The following MYO3B variants were observed in gnomAD, a reference collection of about 807,000 sequenced individuals.
MYO3B encodes myosin IIIB, also known as myosin-IIIb.
MYO3B carries 156 observed loss-of-function variants against 174.6 expected under a neutral mutation model. The ratio of observed to expected loss-of-function variants is 0.89; its 90% CI spans 0.78 to 1.02. The LOEUF (loss-of-function observed/expected upper bound fraction) is 1.02. MYO3B is among the 50% of genes least tolerant of loss of function. MYO3B has a pLI of 0.00. For synonymous variants in MYO3B, 563 were observed against 569.1 expected, an observed-to-expected ratio of 0.99 and a Z score of 0.15; for missense variants, 1,632 against 1,639.4, an observed-to-expected ratio of 1.00 and a Z score of 0.08.
chr2:170,278,623 T>C (rs1210556132), intron 7 of MYO3B, among the ~76,000 whole-genome samples: 2 of 152,184 alleles, frequency 1.3e-5, no homozygotes, highest in Non-Finnish European at 2.9e-5. Context: ...ATTCGAGTCC[T>C]CATTTCTAGC....
intron 25 of MYO3B, among the ~76,000 whole-genome samples, chr2:170,469,731 G>A (rs1684854400): frequency 1.3e-5 from 2 of 152,130 alleles, no homozygotes; most frequent in South Asian, 4.1e-4. Context: ...TTCTCCCATA[G>A]CTTTAGTCCA....
intron 32 of MYO3B, among the ~76,000 whole-genome samples, chr2:170,595,486 T>G (rs115989154): frequency 0.018 from 2,787 of 152,302 alleles, 35 homozygotes; most frequent in Middle Eastern, 0.037. Context: ...TTACTCAGGC[T>G]GGAGTGCAGC....
intron 32 of MYO3B, chr2:170,650,055 CAG>C (rs1698888240): frequency 1.0e-5 from 1 of 97,546 alleles, no homozygotes; most frequent in Non-Finnish European, 1.8e-5. Flanking sequence ...TTTTGTGAGA[CAG>C]AGTCTCACTC....
chr2:170,591,722 G>T (rs1693828606), intron 32 of MYO3B, among the ~76,000 whole-genome samples: 1 of 152,320 alleles, frequency 6.6e-6, no homozygotes, highest in Non-Finnish European at 1.5e-5. Context: ...CCCAGAGCAT[G>T]TGATTGGCCC....
intron 25 of MYO3B, among the ~76,000 whole-genome samples, chr2:170,486,236 T>C (rs1002761656): frequency 6.6e-6 from 1 of 152,094 alleles, no homozygotes; most frequent in African/African-American, 2.4e-5. Context: ...TAACTCAAGA[T>C]TTATCACAGT....
Position 170,314,100 on chromosome 2 carries a change from G to A in MYO3B, c.750-21285G>A, listed in dbSNP as rs941544282. Among the ~76,000 whole-genome samples the A allele has an allele frequency of 1.4e-4, 21 of 152,268 alleles. No individual in the cohort carries two copies. In the East Asian group the frequency reaches 3.5e-3, roughly 25 times the overall value. On this transcript the variant is annotated intron_variant, in intron 7 of 34. Coordinates refer to ENST00000408978, the MANE Select transcript of MYO3B (RefSeq NM_138995.5). ...GCCATTTTCAGAAAAGTAACATCCT[G>A]CTGGCCTTCTATTCCTGGCGCACAT...
At chr2:170,516,038 T>C (rs879710757) in intron 29 of MYO3B, among the ~76,000 whole-genome samples, 9 of 151,890 alleles carry the variant, frequency 5.9e-5, no homozygotes, top group Admixed American at 5.9e-4. Context: ...TGTTTCCCCC[T>C]AGAAGTCACA....
intron 7 of MYO3B, among the ~76,000 whole-genome samples, chr2:170,319,251 A>C (rs1475835367): frequency 1.3e-5 from 2 of 152,230 alleles, no homozygotes; most frequent in African/African-American, 4.8e-5. Flanking sequence ...AAATTGTTTT[A>C]GTTCACTCAG....
intron 28 of MYO3B, among the ~76,000 whole-genome samples, chr2:170,509,713 CA>C (rs1687859844): frequency 6.6e-6 from 1 of 152,200 alleles, no homozygotes; most frequent in Non-Finnish European, 1.5e-5. Context: ...GGCCCTTTTG[CA>C]ACTTGTTCTG....
intron 30 of MYO3B, among the ~76,000 whole-genome samples, chr2:170,533,830 T>A (rs1165501816): frequency 6.6e-6 from 1 of 152,236 alleles, no homozygotes; most frequent in Non-Finnish European, 1.5e-5. Context: ...TATTTTGTTC[T>A]GCCCAGGAGA....
intron 23 of MYO3B, among the ~76,000 whole-genome samples, chr2:170,458,780 T>A (rs1684058741): frequency 6.6e-6 from 1 of 152,176 alleles, no homozygotes; most frequent in African/African-American, 2.4e-5. Flanking sequence ...TGTCGGAAAT[T>A]CTTTTAGATC....
intron 32 of MYO3B, among the ~76,000 whole-genome samples, chr2:170,630,063 T>C (rs1311301684): frequency 2.6e-5 from 4 of 152,100 alleles, no homozygotes; most frequent in Non-Finnish European, 5.9e-5. Context: ...GGTCAGAAAG[T>C]GGGTGCAGCC....
chr2:170,399,358 C>T (rs1470371046), intron 16 of MYO3B, among the ~76,000 whole-genome samples: 2 of 149,734 alleles, frequency 1.3e-5, no homozygotes, highest in Admixed American at 6.7e-5. Context: ...TCTGTAATCC[C>T]AGCTACTTGG....
intron 8 of MYO3B, among the ~76,000 whole-genome samples, chr2:170,349,064 CTG>C (rs1181116527): frequency 6.6e-6 from 1 of 152,212 alleles, no homozygotes; most frequent in Non-Finnish European, 1.5e-5. Flanking sequence ...CATAATTATT[CTG>C]TGTCTTCCCA....
At chr2:170,245,828 C>G (rs1026846997) in intron 7 of MYO3B, among the ~76,000 whole-genome samples, 3 of 152,122 alleles carry the variant, frequency 2.0e-5, no homozygotes, top group Admixed American at 6.5e-5. Context: ...ATAAGAATAT[C>G]CTGGGAGCTT....
At chr2:170,540,867 T>C (rs146563753) in intron 30 of MYO3B, among the ~76,000 whole-genome samples, 9 of 152,286 alleles carry the variant, frequency 5.9e-5, no homozygotes, top group Admixed American at 5.2e-4. Context: ...TTCTTTTCCT[T>C]TCTTGGAGTC....
chr2:170,279,591 T>C lies in MYO3B; in HGVS notation c.749+43455T>C, dbSNP rs187198688. On this transcript the variant is annotated intron_variant, in intron 7 of 34. Transcript: ENST00000408978. ...TATTAAGCCCAGTACCCAATAGTTA[T>C]CTTTTCTGCTTCTCTCCCTCCTCCC... Among the ~76,000 whole-genome samples the C allele has an allele frequency of 2.2e-3, 333 of 152,266 alleles. 3 individuals are homozygous for C. Among genetic ancestry groups the C allele is most frequent in the African/African-American group, 7.0e-3 (292 of 41,564 alleles).
chr2:170,619,744 T>TTTTTTTTTTC (rs1695745467), intron 32 of MYO3B, among the ~76,000 whole-genome samples: 1 of 112,488 alleles, frequency 8.9e-6, no homozygotes, highest in Non-Finnish European at 1.9e-5. Flanking sequence ...ATTCTTTTTT[T>TTTTTTTTTTC]TTTTTTTTTT....
In MYO3B at chr2:170,255,556, G is replaced by T. The variant is rs560961226; in HGVS notation, c.749+19420G>T. On this transcript the variant is annotated intron_variant, in intron 7 of 34. Coordinates refer to ENST00000408978, the MANE Select transcript of MYO3B (RefSeq NM_138995.5). ...GCTACAACCAAGGAACCCATACAGAGCACTGGCCCTCTGAAAGCACCAGAA... is the reference window on the plus strand; with the variant it reads ...GCTACAACCAAGGAACCCATACAGATCACTGGCCCTCTGAAAGCACCAGAA... Among the ~76,000 whole-genome samples, 5 of 152,142 alleles carry T rather than the reference G, an allele frequency of 3.3e-5. No individual in the cohort carries two copies. The East Asian group carries it at 9.7e-4, about 29-fold the overall frequency.
Sources: allele counts gnomAD v4.1 joint callset (sites outside exome capture counted in the v4.1 genomes callset), GRCh38; gene constraint gnomAD v4.1.1; transcripts MANE v1.5; gene names NCBI Gene and HGNC (gene_info 2026-07-23, HGNC 2026-07-21).